The following DCST1 variants were observed in gnomAD, a reference collection of about 807,000 sequenced individuals.
DCST1 encodes E3 ubiquitin-protein ligase DCST1.
A neutral mutation model predicts 89.1 loss-of-function variants in DCST1; 78 were observed. The ratio of observed to expected loss-of-function variants is 0.88; its 90% confidence interval spans 0.73 to 1.06. The LOEUF is 1.06. DCST1 is among the 50% of genes least tolerant of loss of function. The probability of loss-of-function intolerance (pLI) is 0.00; values close to 1 mark genes in which losing one functional copy is unlikely to be tolerated. For missense variants in DCST1, 900 were observed against 928.6 expected (o/e 0.97, Z 0.40); for synonymous variants, 364 against 371.9 (o/e 0.98, Z 0.24).
At position 155,033,853 on chromosome 1, in the gene DCST1, A is replaced by G; in HGVS notation, c.-67A>G. ...CAGTTCCGAGGACTGGAGAGGGGATAGGTAGGTCTCTAATCTCCTTCCCCA... is the reference window on the plus strand; with the variant it reads ...CAGTTCCGAGGACTGGAGAGGGGATGGGTAGGTCTCTAATCTCCTTCCCCA... On this transcript the variant is annotated splice_region_variant and 5_prime_UTR_variant, in exon 1 of 17. The change creates a new upstream start codon in the 5' untranslated region. Transcript: ENST00000295542. 1.5e-6 allele frequency: 2 copies of G among 1,307,676 alleles called. No individual in the cohort carries two copies. The highest frequency in any genetic ancestry group is 2.1e-6 in the Non-Finnish European group (2 of 952,732). The allele number at this position is 1,307,676 out of a possible 1,614,324, so 81.0% of individuals were successfully genotyped here.
At chr1:155,049,358 T>G in intron 16 of DCST1, 1 of 371,704 alleles carries the variant, frequency 2.7e-6, no homozygotes, top group Non-Finnish European at 4.8e-6. Flanking sequence ...ATCAGTTTTC[T>G]CACCTGAAAA....
chr1:155,036,033 G>A (rs1008207627), intron 4 of DCST1, among the ~76,000 whole-genome samples: 2 of 132,730 alleles, frequency 1.5e-5, no homozygotes, highest in African/African-American at 5.8e-5. Flanking sequence ...AGGTGACAGA[G>A]TGAAACTCTG....
intron 4 of DCST1, among the ~76,000 whole-genome samples, chr1:155,038,924 A>C (rs985334170): frequency 6.6e-6 from 1 of 152,262 alleles, no homozygotes; most frequent in Non-Finnish European, 1.5e-5. Context: ...CAGGCGGTAC[A>C]TGACCAAGGG....
chr1:155,050,752 T>A lies in DCST1; in HGVS notation c.2005T>A (p.Tyr669Asn). The A allele has an allele frequency of 6.2e-7, 1 of 1,611,526 alleles. No individual in the cohort carries two copies. Among genetic ancestry groups the A allele is most frequent in the Non-Finnish European group, 8.5e-7 (1 of 1,179,096 alleles). ...VCRTLDCEAV[Y>N]CWSCWDDMRQ... The stretch of plus-strand genomic sequence containing the variant: ...CCGGACGCTGGACTGCGAGGCCGTG[T>A]ACTGCTGGTCGTGCTGGGACGACAT... The change falls in exon 17 of 17, where the codon TAC (tyrosine) becomes AAC (asparagine). Residue 669 changes from tyrosine to asparagine, a missense_variant. Physicochemically the swap from Tyr to Asn is moderately radical, Grantham distance 143. Transcript: ENST00000295542.
chr1:155,034,619 T>A (rs1660210561), intron 3 of DCST1, 34 bp from the exon 4 acceptor site: 1 of 1,614,106 alleles, frequency 6.2e-7, no homozygotes, highest in Non-Finnish European at 8.5e-7. Context: ...CTAGGACCCA[T>A]CTTTTGGCCT....
rs575062131 is a variant in DCST1 at position 155,041,875 on chromosome 1, G to C, written c.892+18G>C. 1.9e-5 allele frequency: 31 copies of C among 1,614,020 alleles called. No homozygotes were observed. The South Asian group carries it at 3.2e-4, about 17-fold the overall frequency. The stretch of plus-strand genomic sequence containing the variant: ...TGCCAAGGGTCTGCACAGTTGCAAA[G>C]GGGTGGGGAGCATCGGGGTAGGGAG... On this transcript the variant is annotated intron_variant, in intron 8 of 16. Coordinates refer to ENST00000295542, the MANE Select transcript of DCST1 (RefSeq NM_152494.4).
chr1:155,047,367 C>A, intron 14 of DCST1, 55 bp downstream of exon 14: 5 of 1,474,448 alleles, frequency 3.4e-6, no homozygotes, highest in South Asian at 2.4e-5. Flanking sequence ...GGGCAAGGGT[C>A]AAAAGACTCC....
At chr1:155,046,598 C>CACATTTTTT in intron 13 of DCST1, 112 bp downstream of exon 13, 1 of 415,808 alleles carries the variant, frequency 2.4e-6, no homozygotes, top group Non-Finnish European at 3.4e-6. Flanking sequence ...GTCCTTCTGC[C>CACATTTTTT]TCTTTTTTTT....
chr1:155,046,505 C>A lies in DCST1; in HGVS notation c.1495+19C>A. On this transcript the variant is annotated intron_variant, in intron 13 of 16. Coordinates refer to ENST00000295542, the MANE Select transcript of DCST1 (RefSeq NM_152494.4). ...TTCCGCAGTAAGCCCATCCCCCAGA[C>A]ACATTCCAGGCCCAAGAGACACCCT... 1 of 1,612,924 alleles carries A rather than the reference C, an allele frequency of 6.2e-7. No individual in the cohort carries two copies. Among genetic ancestry groups the A allele is most frequent in the East Asian group, 2.2e-5 (1 of 44,862 alleles).
intron 16 of DCST1, chr1:155,049,164 A>C (rs1660764529): frequency 1.5e-6 from 1 of 685,012 alleles, no homozygotes; most frequent in East Asian, 2.7e-5. Context: ...CAACGGTGTG[A>C]CCTTGAGCAC....
chr1:155,050,442 T>C, intron 16 of DCST1, 175 bp from the exon 17 acceptor site: 1 of 778,082 alleles, frequency 1.3e-6, no homozygotes, highest in Non-Finnish European at 2.0e-6. Context: ...CCATTCTCCA[T>C]CACAGAGTTG....
chr1:155,037,178 TGAGCTCTCCCAG>T (rs568283669), intron 4 of DCST1, among the ~76,000 whole-genome samples: 3 of 152,224 alleles, frequency 2.0e-5, no homozygotes, highest in South Asian at 2.1e-4. Flanking sequence ...TTACAGAGGC[TGAGCTCTCCCAG>T]GAGCTCTCCC....
intron 5 of DCST1, 123 bp downstream of exon 5, chr1:155,039,654 T>C: frequency 7.6e-7 from 1 of 1,310,720 alleles, no homozygotes; most frequent in Non-Finnish European, 1.0e-6. Context: ...TAACTCACTG[T>C]ATGTCCCTGA....
chr1:155,049,227 A>G, intron 16 of DCST1: 3 of 580,400 alleles, frequency 5.2e-6, no homozygotes, highest in Non-Finnish European at 9.5e-6. Context: ...GGGGTTAACT[A>G]CTCCATCTGG....
intron 16 of DCST1, 112 bp from the exon 17 acceptor site, chr1:155,050,505 C>T (rs1660880891): frequency 7.1e-7 from 1 of 1,406,030 alleles, no homozygotes; most frequent in Admixed American, 2.6e-5. Context: ...ACCCAGCCTC[C>T]TCCAACACGC....
intron 4 of DCST1, among the ~76,000 whole-genome samples, chr1:155,037,433 T>C (rs1660308367): frequency 6.6e-6 from 1 of 151,214 alleles, no homozygotes; most frequent in East Asian, 1.9e-4. Context: ...ATCCACATTG[T>C]TGGTCTTTTT....
intron 4 of DCST1, among the ~76,000 whole-genome samples, chr1:155,038,974 T>C (rs1660349716): frequency 6.6e-6 from 1 of 152,222 alleles, no homozygotes; most frequent in Non-Finnish European, 1.5e-5. Flanking sequence ...TGTAGGTGTC[T>C]GAGTACTGGG....
intron 8 of DCST1, 33 bp downstream of exon 8, chr1:155,041,890 G>C: frequency 6.2e-7 from 1 of 1,612,948 alleles, no homozygotes; most frequent in Non-Finnish European, 8.5e-7. Flanking sequence ...GGGGAGCATC[G>C]GGGTAGGGAG....
At position 155,045,960 on chromosome 1, in the gene DCST1, T is replaced by C. The variant is rs142185536; in HGVS notation, c.1240T>C (p.Phe414Leu). 1.6e-4 allele frequency: 253 copies of C among 1,614,234 alleles called. 2 individuals are homozygous for C. In the African/African-American group the frequency reaches 3.1e-3, roughly 20 times the overall value. Reference protein sequence around the residue: ...RFDNIYISTYFCQIDDRRKKL... With the variant: ...RFDNIYISTYLCQIDDRRKKL... ...TGACAACATCTACATCAGTACCTAC[T>C]TCTGCCAGATCGATGACCGCAGGAA... Residue 414 changes from phenylalanine to leucine, a missense_variant, in exon 11 of 17, where the codon TTC becomes CTC. Phe to Leu is a conservative substitution (Grantham distance 22). Transcript: ENST00000295542.
Sources: allele counts gnomAD v4.1 joint callset (sites outside exome capture counted in the v4.1 genomes callset), GRCh38; gene constraint gnomAD v4.1.1; transcripts MANE v1.5; gene names NCBI Gene and HGNC (gene_info 2026-07-23, HGNC 2026-07-21).